OCA2: variants seen among roughly 807,000 people sequenced by gnomAD.
The protein encoded by OCA2 is P protein.
Under a neutral mutation model 100.2 loss-of-function variants are expected in OCA2, and 77 were observed. That is an observed-to-expected ratio of 0.77 (90% confidence interval 0.64 to 0.93). The LOEUF (loss-of-function observed/expected upper bound fraction) is 0.93, where lower values mean the gene tolerates loss of function less well. Among genes scored for constraint, OCA2 ranks in the 40% least tolerant of loss-of-function variants. The pLI is 0.00. For synonymous variants in OCA2, 432 were observed against 439.2 expected (o/e 0.98, Z 0.21); for missense variants, 1,062 against 1,089.1 (o/e 0.98, Z 0.35).
At chr15:28,070,064 G>A (rs1183809941) in intron 2 of OCA2, among the ~76,000 whole-genome samples, 5 of 111,342 alleles carry the variant, frequency 4.5e-5, no homozygotes, top group Admixed American at 1.6e-4. Flanking sequence ...GCCCCATCTG[G>A]GATGTGAGGA....
chr15:27,824,754 CT>C (rs908296501), intron 23 of OCA2, among the ~76,000 whole-genome samples: 1 of 151,608 alleles, frequency 6.6e-6, no homozygotes, highest in African/African-American at 2.4e-5. Flanking sequence ...AGGCAACAAA[CT>C]TTTTTTGAAG....
intron 9 of OCA2, among the ~76,000 whole-genome samples, chr15:28,008,291 C>T (rs904020445): frequency 6.6e-5 from 10 of 152,164 alleles, no homozygotes; most frequent in Non-Finnish European, 1.2e-4. Flanking sequence ...ATCTGCTGGC[C>T]GTAATAAAGA....
In OCA2 at chr15:27,983,288, TCTAA is replaced by T. The variant is rs1268706094; in HGVS notation, c.1503+53_1503+56del. ...CAAAGGCGTCCATGTGGGGTAGAGC[TCTAA>T]CTAAGTGGAGGTGTGCGTTTACTGG... On this transcript the variant is annotated intron_variant, in intron 14 of 23. Transcript: ENST00000354638. 11 of 1,608,422 alleles carry T rather than the reference TCTAA, an allele frequency of 6.8e-6. No individual in the cohort carries two copies. The East Asian group carries it at 8.9e-5, about 13-fold the overall frequency.
rs756116239 is a variant in OCA2, at chr15:27,966,741, G to T, written c.1585C>A (p.Leu529Ile). Residue 529 changes from leucine (L) to isoleucine (I), a missense_variant, in exon 15 of 24, where the codon CTC (leucine) becomes ATC (isoleucine). Coordinates refer to ENST00000354638, the MANE Select transcript of OCA2 (RefSeq NM_000275.3). Reference sequence around the variant, plus strand: ...TAAAGCTTTCTGTTCCAGTAAAGGAGTCTGAGGAGCGGAAAGCAGACCAGG... The same window carrying T: ...TAAAGCTTTCTGTTCCAGTAAAGGATTCTGAGGAGCGGAAAGCAGACCAGG... The part of the protein sequence containing the change: ...VLLVCFPLLR[L>I]LYWNRKLYNK... 4 of 1,613,966 alleles carry T rather than the reference G, an allele frequency of 2.5e-6. No homozygotes were observed. The East Asian group carries it at 8.9e-5, about 36-fold the overall frequency.
At chr15:27,769,777 T>C (rs1000372330) in intron 23 of OCA2, among the ~76,000 whole-genome samples, 8 of 152,180 alleles carry the variant, frequency 5.3e-5, no homozygotes, top group African/African-American at 1.9e-4. Context: ...CGAAGGCCCA[T>C]GGAGGATGCA....
intron 2 of OCA2, among the ~76,000 whole-genome samples, chr15:28,056,647 G>A (rs1397127259): frequency 6.6e-6 from 1 of 152,248 alleles, no homozygotes; most frequent in Non-Finnish European, 1.5e-5. Flanking sequence ...TGTGTGTGTG[G>A]AGGATGGCAG....
At chr15:27,862,181 A>G (rs1448126144) in intron 21 of OCA2, among the ~76,000 whole-genome samples, 2 of 150,380 alleles carry the variant, frequency 1.3e-5, no homozygotes, top group East Asian at 3.9e-4. Context: ...TCGAGTCCTC[A>G]TGGACAGAAA....
intron 9 of OCA2, among the ~76,000 whole-genome samples, chr15:28,003,848 G>A (rs1265750641): frequency 6.6e-6 from 1 of 152,188 alleles, no homozygotes; most frequent in Non-Finnish European, 1.5e-5. Context: ...GCCACCCCAC[G>A]AACCCGCCCG....
the OCA2 span, among the ~76,000 whole-genome samples, chr15:27,723,140 GC>G: frequency 3.3e-5 from 5 of 151,974 alleles, no homozygotes; most frequent in East Asian, 1.9e-4. Flanking sequence ...ACCGCGCCTG[GC>G]CCCTGTTTTA....
At chr15:27,855,406 C>A (rs2035913113) in intron 21 of OCA2, among the ~76,000 whole-genome samples, 1 of 152,230 alleles carries the variant, frequency 6.6e-6, no homozygotes, top group Non-Finnish European at 1.5e-5. Context: ...CACCTGAGCA[C>A]CACCTGCCAC....
At chr15:27,919,642 G>A (rs2038788172) in intron 19 of OCA2, among the ~76,000 whole-genome samples, 1 of 152,140 alleles carries the variant, frequency 6.6e-6, no homozygotes, top group Non-Finnish European at 1.5e-5. Context: ...AACAAGTGGA[G>A]CACAGAGGAA....
intron 2 of OCA2, among the ~76,000 whole-genome samples, chr15:28,036,588 C>T (rs1751350963): frequency 6.6e-6 from 1 of 152,096 alleles, no homozygotes; most frequent in Non-Finnish European, 1.5e-5. Context: ...CTTGCCCATG[C>T]CTCTGCCTCT....
chr15:27,775,226 G>T (rs559615312), intron 23 of OCA2, among the ~76,000 whole-genome samples: 195 of 152,234 alleles, frequency 1.3e-3, no homozygotes, highest in African/African-American at 4.6e-3. Flanking sequence ...GGCTGAGTGC[G>T]GCCTGGCGAC....
chr15:27,853,545 C>A (rs1288288991), intron 21 of OCA2, among the ~76,000 whole-genome samples: 2 of 147,890 alleles, frequency 1.4e-5, no homozygotes, highest in African/African-American at 5.0e-5. Context: ...GCACAATGTG[C>A]ACATGTACCC....
At chr15:27,987,605 T>C (rs975339094) in intron 11 of OCA2, among the ~76,000 whole-genome samples, 1 of 150,416 alleles carries the variant, frequency 6.6e-6, no homozygotes, top group African/African-American at 2.4e-5. Context: ...GGCGGGCGCC[T>C]GTAGTCCCAG....
At chr15:27,777,247 G>A (rs1487364256) in intron 23 of OCA2, among the ~76,000 whole-genome samples, 1 of 152,096 alleles carries the variant, frequency 6.6e-6, no homozygotes, top group African/African-American at 2.4e-5. Context: ...AGGGAGAGCA[G>A]GAAGGGTCCT....
intron 23 of OCA2, among the ~76,000 whole-genome samples, chr15:27,789,901 T>C (rs2032998436): frequency 6.6e-6 from 1 of 152,178 alleles, no homozygotes. Flanking sequence ...ATTTCTTAAA[T>C]ATAATACTAA....
chr15:28,024,715 ACAGT>A (rs1316796438), intron 5 of OCA2, 126 bp downstream of exon 5: 113 of 971,338 alleles, frequency 1.2e-4, no homozygotes, highest in Non-Finnish European at 1.6e-4. Flanking sequence ...TCCTCCAAAG[ACAGT>A]CAGAGAATCA....
At chr15:27,800,004 T>A (rs2151168529) in intron 23 of OCA2, among the ~76,000 whole-genome samples, 1 of 152,308 alleles carries the variant, frequency 6.6e-6, no homozygotes, top group Admixed American at 6.5e-5. Flanking sequence ...ATACAAGGTA[T>A]CTTACCCAGC....
Sources: gnomAD v4.1 joint callset for allele counts (sites outside exome capture counted in the v4.1 genomes callset) on GRCh38, gnomAD v4.1.1 for gene constraint, MANE v1.5 for transcripts, NCBI Gene and HGNC (gene_info 2026-07-23, HGNC 2026-07-21) for gene names.